ANAPC10: variants seen among roughly 807,000 people sequenced by gnomAD.
ANAPC10 encodes the protein anaphase promoting complex subunit 10.
ANAPC10 carries 12 observed loss-of-function variants against 22.0 expected under a neutral mutation model. The ratio of observed to expected loss-of-function variants is 0.55; its 90% confidence interval spans 0.35 to 0.88. ANAPC10 has a LOEUF of 0.88. ANAPC10 is among the 40% of genes least tolerant of loss of function. The pLI is 0.01. For missense variants in ANAPC10, 188 were observed against 220.9 expected (o/e 0.85, Z 0.94); for synonymous variants, 65 against 69.5 (o/e 0.94, Z 0.32).
chr4:145,007,828 G>T (rs1372781513), intron 4 of ANAPC10, among the ~76,000 whole-genome samples: 2 of 149,000 alleles, frequency 1.3e-5, no homozygotes, highest in East Asian at 2.0e-4. Context: ...ACTAAGATCA[G>T]AGCAGAATTG....
chr4:145,026,506 G>A (rs1298673753), intron 4 of ANAPC10, among the ~76,000 whole-genome samples: 2 of 152,084 alleles, frequency 1.3e-5, no homozygotes, highest in Non-Finnish European at 2.9e-5. Context: ...AGGCCTCAAT[G>A]AGAAAGTGAT....
chr4:145,023,453 T>C (rs1736245791), intron 4 of ANAPC10, among the ~76,000 whole-genome samples: 1 of 152,158 alleles, frequency 6.6e-6, no homozygotes, highest in Non-Finnish European at 1.5e-5. Flanking sequence ...TCTGTAGTAA[T>C]GCAGAAATAA....
At chr4:145,002,009 AGAAG>A (rs1732645527) in intron 4 of ANAPC10, among the ~76,000 whole-genome samples, 1 of 152,200 alleles carries the variant, frequency 6.6e-6, no homozygotes, top group Non-Finnish European at 1.5e-5. Context: ...GGAAAATAAA[AGAAG>A]GAAGGAAAAA....
intron 4 of ANAPC10, among the ~76,000 whole-genome samples, chr4:145,039,829 T>C (rs973767612): frequency 1.3e-5 from 2 of 152,036 alleles, no homozygotes; most frequent in Non-Finnish European, 2.9e-5. Flanking sequence ...CTCTTGACCT[T>C]GTGATCTGCC....
At chr4:145,025,191 C>T (rs1438733786) in intron 4 of ANAPC10, among the ~76,000 whole-genome samples, 1 of 152,150 alleles carries the variant, frequency 6.6e-6, no homozygotes, top group Admixed American at 6.6e-5. Flanking sequence ...CTATCCAGAA[C>T]ATTCTTTCTC....
In ANAPC10 at chr4:145,011,097, C is replaced by T. The variant is rs182405391; in HGVS notation, c.328-15494G>A. On this transcript the variant is annotated intron_variant, in intron 4 of 4. Transcript: ENST00000507656. ...CTGTAATCCCAGCACTTTTGGAGGCCGAGGCAAGTGGATCACCCGAGGTCA... is the reference window on the plus strand; with the variant it reads ...CTGTAATCCCAGCACTTTTGGAGGCTGAGGCAAGTGGATCACCCGAGGTCA... Among the ~76,000 whole-genome samples, 272 of 151,876 alleles carry T rather than the reference C, an allele frequency of 1.8e-3. 1 individual carries two copies. The highest frequency in any genetic ancestry group is 2.9e-3 in the Non-Finnish European group (197 of 68,002).
intron 4 of ANAPC10, among the ~76,000 whole-genome samples, chr4:145,053,384 G>C (rs1410736782): frequency 6.6e-6 from 1 of 152,120 alleles, no homozygotes; most frequent in Non-Finnish European, 1.5e-5. Context: ...CTTTTCTCAT[G>C]GTAAGTGCTT....
chr4:145,009,679 G>T (rs1445719298), intron 4 of ANAPC10, among the ~76,000 whole-genome samples: 1 of 152,084 alleles, frequency 6.6e-6, no homozygotes, highest in Non-Finnish European at 1.5e-5. Flanking sequence ...ATTCAAGATG[G>T]ATTAAAGACT....
chr4:145,006,160 G>A (rs777747747), intron 4 of ANAPC10, among the ~76,000 whole-genome samples: 8 of 152,052 alleles, frequency 5.3e-5, no homozygotes, highest in Non-Finnish European at 7.4e-5. Flanking sequence ...ATATATTTAG[G>A]GCAGTTAAGT....
At chr4:145,018,204 A>C (rs970951726) in intron 4 of ANAPC10, among the ~76,000 whole-genome samples, 1 of 151,664 alleles carries the variant, frequency 6.6e-6, no homozygotes, top group South Asian at 2.1e-4. Context: ...AAGCAAAAAC[A>C]AAAACCAAAA....
rs567546126 is a variant in ANAPC10, at chr4:145,057,617, A to G, written c.327+6955T>C. ...CTTCTTTCCTTAGGTTCAGATCCAT[A>G]TACCATACCCTACTATCCATGGACT... On this transcript the variant is annotated intron_variant, in intron 4 of 4. Transcript: ENST00000507656. 5.5e-4 allele frequency among the ~76,000 whole-genome samples: 83 copies of G among 152,238 alleles called. 1 individual carries two copies. In the South Asian group the frequency reaches 0.017, roughly 31 times the overall value.
chr4:145,072,035 A>G (rs1744563745), intron 3 of ANAPC10, among the ~76,000 whole-genome samples: 1 of 152,176 alleles, frequency 6.6e-6, no homozygotes, highest in Non-Finnish European at 1.5e-5. Context: ...AAAACTAGGT[A>G]GGGTAAGAGA....
intron 3 of ANAPC10, among the ~76,000 whole-genome samples, chr4:145,077,723 G>C (rs776233837): frequency 1.3e-5 from 2 of 152,100 alleles, no homozygotes; most frequent in Non-Finnish European, 2.9e-5. Flanking sequence ...CTCCACATAT[G>C]CAAATCAATA....
chr4:145,014,518 G>A (rs11946220), intron 4 of ANAPC10, among the ~76,000 whole-genome samples: 4,086 of 152,072 alleles, frequency 0.027, 180 homozygotes, highest in African/African-American at 0.091. Flanking sequence ...GGTAGTTGAA[G>A]ACAAAGGGCA....
chr4:145,017,051 A>G (rs1266634719), intron 4 of ANAPC10, among the ~76,000 whole-genome samples: 2 of 152,246 alleles, frequency 1.3e-5, no homozygotes, highest in South Asian at 2.1e-4. Flanking sequence ...CATTCAGGAC[A>G]TAGGCATGGG....
intron 4 of ANAPC10, among the ~76,000 whole-genome samples, chr4:145,016,674 G>A (rs1296764257): frequency 6.6e-6 from 1 of 152,136 alleles, no homozygotes; most frequent in Non-Finnish European, 1.5e-5. Flanking sequence ...TCAATCCTAA[G>A]CAAAAAGAAC....
intron 2 of ANAPC10, among the ~76,000 whole-genome samples, chr4:145,082,428 C>T (rs1746205882): frequency 6.6e-6 from 1 of 152,212 alleles, no homozygotes; most frequent in Non-Finnish European, 1.5e-5. Context: ...GGATTACAGG[C>T]GTGAGCCACC....
At chr4:145,017,288 C>A (rs1250757129) in intron 4 of ANAPC10, among the ~76,000 whole-genome samples, 1 of 152,018 alleles carries the variant, frequency 6.6e-6, no homozygotes, top group Non-Finnish European at 1.5e-5. Context: ...AAAAAAACAA[C>A]CCCATCAAAA....
At position 144,995,548 on chromosome 4, in the gene ANAPC10, T is replaced by C. The variant is rs1410814238; in HGVS notation, c.383A>G (p.His128Arg). 6 of 1,613,894 alleles carry C rather than the reference T, an allele frequency of 3.7e-6. No homozygotes were observed. The African/African-American group carries it at 5.3e-5, about 14-fold the overall frequency. ...GWIHVPLTDN[H>R]KKPTRTFMIQ... is the part of the protein sequence containing the mutation. The stretch of plus-strand genomic sequence containing the variant: ...CATGAATGTACGAGTTGGCTTCTTA[T>C]GATTGTCAGTTAAGGGAACATGAAT... Residue 128 changes from histidine to arginine, a missense_variant, in exon 5 of 5, where the codon CAT becomes CGT. Physicochemically the swap from His to Arg is conservative, Grantham distance 29. Coordinates refer to ENST00000507656, the MANE Select transcript of ANAPC10 (RefSeq NM_001256706.2).
Sources: allele counts gnomAD v4.1 joint callset (sites outside exome capture counted in the v4.1 genomes callset), GRCh38; gene constraint gnomAD v4.1.1; transcripts MANE v1.5; gene names NCBI Gene and HGNC (gene_info 2026-07-23, HGNC 2026-07-21).